The following VGLL4 variants were observed in gnomAD, a reference collection of about 807,000 sequenced individuals.
VGLL4 encodes the protein transcription cofactor vestigial-like protein 4.
VGLL4 carries 7 observed loss-of-function variants against 21.0 expected under a neutral mutation model. The observed-to-expected ratio is 0.33, with a 90% CI of 0.19 to 0.63. VGLL4 has a LOEUF of 0.63. Ranked by LOEUF, VGLL4 falls within the 20% of genes least tolerant of loss-of-function variation. VGLL4 has a pLI of 0.78. For synonymous variants in VGLL4, 222 were observed against 173.2 expected (o/e 1.28, Z -2.21); for missense variants, 394 against 425.7 (o/e 0.93, Z 0.66).
Position 11,568,972 on chromosome 3 carries a change from G to T in VGLL4, c.273-3953C>A. Reference sequence around the variant, plus strand: ...GAGAAAGATGGAAAGAGGAGGGAGGGAAAGAGAGGCCTACAACACCATCAT... The same window carrying T: ...GAGAAAGATGGAAAGAGGAGGGAGGTAAAGAGAGGCCTACAACACCATCAT... On this transcript the variant is annotated intron_variant, in intron 2 of 4. Transcript: ENST00000430365. The surrounding 1 kb of genome is among the most constrained non-coding windows in gnomAD (Gnocchi z 5.9). 3 of 1,166,472 alleles carry T rather than the reference G, an allele frequency of 2.6e-6. No homozygotes were observed. Among genetic ancestry groups the T allele is most frequent in the Non-Finnish European group, 3.2e-6 (3 of 937,218 alleles). The allele number at this position is 1,166,472 out of a possible 1,614,324, so 72.3% of individuals were successfully genotyped here.
rs79677782 is a variant in VGLL4 at position 11,594,636 on chromosome 3, C to T, written c.272+7197G>A. 3.9e-3 allele frequency among the ~76,000 whole-genome samples: 591 copies of T among 152,334 alleles called. 1 individual carries two copies. Among genetic ancestry groups the T allele is most frequent in the African/African-American group, 0.014 (570 of 41,568 alleles). On this transcript the variant is annotated intron_variant, in intron 2 of 4. Coordinates refer to ENST00000430365, the MANE Select transcript of VGLL4 (RefSeq NM_001128219.3). ...ATTTACCATACTGTTACACTGCACC[C>T]ACTGTTTGCCTTCAAGAGTTTTAAT... is the stretch of plus-strand genomic sequence containing the variant.
rs2073402402 is a variant in VGLL4 at position 11,565,067 on chromosome 3, G to A, written c.273-48C>T. On this transcript the variant is annotated intron_variant, in intron 2 of 4. Transcript: ENST00000430365. The surrounding 1 kb of genome is among the most constrained non-coding windows in gnomAD (Gnocchi z 4.1). ...CAGGGGGCGTTTTCTCAAAGGCAAAGGGGACAGTGACTGTGCGCCAGGCAC... is the reference window on the plus strand; with the variant it reads ...CAGGGGGCGTTTTCTCAAAGGCAAAAGGGACAGTGACTGTGCGCCAGGCAC... 6.9e-7 allele frequency: 1 copy of A among 1,446,216 alleles called. No homozygotes were observed. The highest frequency in any genetic ancestry group is 2.7e-5 in the Admixed American group (1 of 36,948). The allele number at this position is 1,446,216 out of a possible 1,614,324, so 89.6% of individuals were successfully genotyped here. A position where few individuals can be genotyped will look rare whatever the true frequency, so the allele number is the denominator to read the frequency against.
At chr3:11,564,693 C>A in intron 3 of VGLL4, 104 bp downstream of exon 3, 3 of 1,380,084 alleles carry the variant, frequency 2.2e-6, no homozygotes, top group Non-Finnish European at 3.0e-6. Flanking sequence ...TCACCACCTC[C>A]CTCCCTCACC....
intron 1 of VGLL4, among the ~76,000 whole-genome samples, chr3:11,608,170 G>C (rs1026340765): frequency 6.6e-6 from 1 of 152,186 alleles, no homozygotes; most frequent in African/African-American, 2.4e-5. Flanking sequence ...AGGAAGATTT[G>C]AGCTGAGTAA....
rs541488839 is a variant in VGLL4 at position 11,631,237 on chromosome 3, G to A, written c.82+12200C>T. On this transcript the variant is annotated intron_variant, in intron 1 of 4. Coordinates refer to ENST00000430365, the MANE Select transcript of VGLL4 (RefSeq NM_001128219.3). ...CTGACTGGTAAGGAAGCTCGAGGAGGCTCAGGGGCGATGAGAATGCTCTCC... is the reference window on the plus strand; with the variant it reads ...CTGACTGGTAAGGAAGCTCGAGGAGACTCAGGGGCGATGAGAATGCTCTCC... 2.6e-5 allele frequency among the ~76,000 whole-genome samples: 4 copies of A among 151,592 alleles called. No homozygotes were observed. The South Asian group carries it at 8.5e-4, about 32-fold the overall frequency.
chr3:11,561,782 C>T (rs1459681517), intron 3 of VGLL4, among the ~76,000 whole-genome samples: 1 of 152,156 alleles, frequency 6.6e-6, no homozygotes. Flanking sequence ...ACCCCTTCAC[C>T]CGCTGTCCCA....
At chr3:11,715,652 G>A (rs2076910114) in intron 1 of VGLL4, among the ~76,000 whole-genome samples, 1 of 152,102 alleles carries the variant, frequency 6.6e-6, no homozygotes, top group African/African-American at 2.4e-5. Context: ...GTTATTCATA[G>A]TAGTTGTGTT....
exon 2 of VGLL4, chr3:11,703,012 A>G: frequency 1.9e-6 from 3 of 1,613,224 alleles, no homozygotes; most frequent in Non-Finnish European, 2.5e-6. Flanking sequence ...TGCCCTGGAC[A>G]AAACATCCAA....
intron 1 of VGLL4, among the ~76,000 whole-genome samples, chr3:11,638,174 A>G (rs1421554133): frequency 6.6e-6 from 1 of 152,132 alleles, no homozygotes; most frequent in African/African-American, 2.4e-5. Flanking sequence ...GCCAAGGAGG[A>G]TTGCTTTCTA....
chr3:11,638,741 C>G (rs1054176987), intron 1 of VGLL4, among the ~76,000 whole-genome samples: 1 of 152,102 alleles, frequency 6.6e-6, no homozygotes, highest in African/African-American at 2.4e-5. Context: ...GGCCTTTTCA[C>G]CTACCCAAGC....
chr3:11,635,995 G>T (rs1368594849), intron 1 of VGLL4, among the ~76,000 whole-genome samples: 1 of 152,114 alleles, frequency 6.6e-6, no homozygotes, highest in Non-Finnish European at 1.5e-5. Context: ...TTTATCAGTG[G>T]CTCATCAGAA....
intron 1 of VGLL4, among the ~76,000 whole-genome samples, chr3:11,628,085 A>G (rs2075392463): frequency 6.6e-6 from 1 of 152,214 alleles, no homozygotes; most frequent in Non-Finnish European, 1.5e-5. Context: ...TACAACATAA[A>G]TATGTATTAA....
intron 1 of VGLL4, among the ~76,000 whole-genome samples, chr3:11,718,813 CTTAT>C (rs1266614307): frequency 6.6e-6 from 1 of 151,962 alleles, no homozygotes; most frequent in Admixed American, 6.6e-5. Context: ...GCTGCTGGTT[CTTAT>C]TAATCACAGA....
intron 4 of VGLL4, 59 bp from the exon 5 acceptor site, chr3:11,558,886 G>C (rs1399860546): frequency 3.2e-6 from 5 of 1,578,038 alleles, no homozygotes; most frequent in South Asian, 1.1e-5. Context: ...AGACAGGCAC[G>C]GTTGCAGCAC....
chr3:11,616,022 C>T (rs1187322689), intron 1 of VGLL4, among the ~76,000 whole-genome samples: 7 of 152,206 alleles, frequency 4.6e-5, no homozygotes, highest in South Asian at 2.1e-4. Flanking sequence ...CCCTGCCTCC[C>T]ACCACGAGAG....
At chr3:11,583,960 T>C (rs1476466621) in intron 2 of VGLL4, among the ~76,000 whole-genome samples, 1 of 152,202 alleles carries the variant, frequency 6.6e-6, no homozygotes, top group South Asian at 2.1e-4. Context: ...GACATGTGTA[T>C]TAAACACATA....
intron 1 of VGLL4, among the ~76,000 whole-genome samples, chr3:11,605,423 C>T (rs1376548644): frequency 1.3e-5 from 2 of 151,460 alleles, no homozygotes; most frequent in Non-Finnish European, 2.9e-5. Context: ...ACCCCAACTG[C>T]CTTTCTCATT....
intron 2 of VGLL4, among the ~76,000 whole-genome samples, chr3:11,592,880 C>G (rs575077826): frequency 6.6e-6 from 1 of 152,162 alleles, no homozygotes; most frequent in African/African-American, 2.4e-5. Flanking sequence ...ACAGTGCCAG[C>G]GCACAAGGGC....
Position 11,573,284 on chromosome 3 carries a change from A to G in VGLL4, c.273-8265T>C, listed in dbSNP as rs539347238. Among the ~76,000 whole-genome samples, 20 of 11,324 alleles carry G rather than the reference A, an allele frequency of 1.8e-3. 1 individual carries two copies. The highest frequency in any genetic ancestry group is 8.1e-3 in the African/African-American group (17 of 2,098). The allele number at this position is 11,324 out of a possible 152,430, so 7.4% of individuals were successfully genotyped here. Reference sequence around the variant, plus strand: ...GAAAGAAAGAAAGAAAGAAAGAAAGAAAGAAAGAAAGAAAGAAAGAAAGGA... The same window carrying G: ...GAAAGAAAGAAAGAAAGAAAGAAAGGAAGAAAGAAAGAAAGAAAGAAAGGA... On this transcript the variant is annotated intron_variant, in intron 2 of 4. Coordinates refer to ENST00000430365, the MANE Select transcript of VGLL4 (RefSeq NM_001128219.3).
Sources: allele counts gnomAD v4.1 joint callset (sites outside exome capture counted in the v4.1 genomes callset), GRCh38; gene constraint gnomAD v4.1.1; non-coding constraint Gnocchi (gnomAD v3.1); transcripts MANE v1.5; gene names NCBI Gene and HGNC (gene_info 2026-07-23, HGNC 2026-07-21).